The following GSG1L2 variants were observed in gnomAD, a reference collection of about 807,000 sequenced individuals.
GSG1L2 encodes the protein germ cell-specific gene 1-like protein 2.
GSG1L2 carries 15 observed loss-of-function variants against 9.0 expected under a neutral mutation model. The observed-to-expected ratio is 1.67, with a 90% CI of 1.12 to 2.57. GSG1L2 has a LOEUF of 2.57. GSG1L2 is among the 30% of genes most tolerant of loss of function. The pLI is 0.00. For missense variants in GSG1L2, 286 were observed against 150.3 expected (o/e 1.90, Z -4.72); for synonymous variants, 127 against 57.9 (o/e 2.19, Z -5.41).
At position 9,820,496 on chromosome 17, in the gene GSG1L2, C is replaced by A. The variant is rs538594074; in HGVS notation, c.310+1266G>T. On this transcript the variant is annotated intron_variant, in intron 1 of 4. Transcript: ENST00000399363. The surrounding 1 kb of genome is among the most constrained non-coding windows in gnomAD (Gnocchi z 4.9). Reference sequence around the variant, plus strand: ...GAGGAACTGTGGAGGTCCTAAATAGCCTTAGCTCCAGGCACTATTGCAGTG... The same window carrying A: ...GAGGAACTGTGGAGGTCCTAAATAGACTTAGCTCCAGGCACTATTGCAGTG... Among the ~76,000 whole-genome samples, 1 of 151,970 alleles carries A rather than the reference C, an allele frequency of 6.6e-6. No individual in the cohort carries two copies. Among genetic ancestry groups the A allele is most frequent in the East Asian group, 1.9e-4 (1 of 5,140 alleles).
rs376999971 is a variant in GSG1L2, at chr17:9,801,255, T to A, written c.*1131A>T. Among the ~76,000 whole-genome samples the A allele has an allele frequency of 1.3e-5, 2 of 152,182 alleles. No individual in the cohort carries two copies. The highest frequency in any genetic ancestry group is 4.8e-5 in the African/African-American group (2 of 41,440). ...CAGGGTCTCACTCTATTGCCCAGGC[T>A]GGAGTGCAATGGCGCGATCTCTGCT... is the stretch of plus-strand genomic sequence containing the variant. On this transcript the variant is annotated 3_prime_UTR_variant, in exon 5 of 5. Coordinates refer to ENST00000399363, the MANE Select transcript of GSG1L2 (RefSeq NM_001310219.2).
At position 9,802,503 on chromosome 17, in the gene GSG1L2, G is replaced by A. The variant is rs1348182105; in HGVS notation, c.765C>T (p.Pro255=). ...TTTTCCAAATGCTCTCCGAAGCCTC[G>A]GGTTCCAGGAAGCTGTGTTGAGAGT... ...SRHSQHSFLE[P]EASESIWKTG... The change falls in exon 5 of 5, where the codon CCC becomes CCT. Residue 255 remains proline, a synonymous_variant. Coordinates refer to ENST00000399363, the MANE Select transcript of GSG1L2 (RefSeq NM_001310219.2). 1.4e-6 allele frequency: 1 copy of A among 702,696 alleles called. No homozygotes were observed. Among genetic ancestry groups the A allele is most frequent in the Non-Finnish European group, 2.6e-6 (1 of 384,950 alleles). The allele number at this position is 702,696 out of a possible 1,614,324, so 43.5% of individuals were successfully genotyped here.
chr17:9,800,896 G>A lies in GSG1L2; in HGVS notation c.*1490C>T, dbSNP rs796330590. On this transcript the variant is annotated 3_prime_UTR_variant, in exon 5 of 5. Coordinates refer to ENST00000399363, the MANE Select transcript of GSG1L2 (RefSeq NM_001310219.2). Reference sequence around the variant, plus strand: ...AGGGAACCCCAGCAGACATTCTCTGGGTTGGGCTTATTCCAGCAAGAATCC... The same window carrying A: ...AGGGAACCCCAGCAGACATTCTCTGAGTTGGGCTTATTCCAGCAAGAATCC... 5.3e-5 allele frequency among the ~76,000 whole-genome samples: 8 copies of A among 152,334 alleles called. No homozygotes were observed. The highest frequency in any genetic ancestry group is 2.6e-4 in the Admixed American group (4 of 15,306).
Position 9,814,226 on chromosome 17 carries a change from G to A in GSG1L2, c.311-3608C>T, listed in dbSNP as rs561562764. Among the ~76,000 whole-genome samples, 9 of 152,318 alleles carry A rather than the reference G, an allele frequency of 5.9e-5. No homozygotes were observed. In the South Asian group the frequency reaches 1.7e-3, roughly 28 times the overall value. Reference sequence around the variant, plus strand: ...TGGGATTACAAGCGTGAGACACCGCGCCTGGCCTTTCCACTGTTTTGAGTG... The same window carrying A: ...TGGGATTACAAGCGTGAGACACCGCACCTGGCCTTTCCACTGTTTTGAGTG... On this transcript the variant is annotated intron_variant, in intron 1 of 4. Transcript: ENST00000399363.
At chr17:9,812,688 A>G (rs1365165714) in intron 1 of GSG1L2, among the ~76,000 whole-genome samples, 4 of 152,068 alleles carry the variant, frequency 2.6e-5, no homozygotes, top group Non-Finnish European at 4.4e-5. Flanking sequence ...GCAGTGGATC[A>G]TGGCTCACTG....
rs2066591961 is a variant in GSG1L2 at position 9,821,964 on chromosome 17, T to G, written c.108A>C (p.Arg36=). The G allele has an allele frequency of 1.4e-6, 1 of 703,040 alleles. No homozygotes were observed. Among genetic ancestry groups the G allele is most frequent in the African/African-American group, 1.7e-5 (1 of 57,382 alleles). 43.6% of individuals were successfully genotyped at this position (703,040 alleles called of 1,614,324 possible). A position where few individuals can be genotyped will look rare whatever the true frequency, so the allele number is the denominator to read the frequency against. Reference sequence around the variant, plus strand: ...CCTGGCACAGTGGCTTCACCACCCGTCGGGTCCCCTCACACCAGTGGCTGC... The same window carrying G: ...CCTGGCACAGTGGCTTCACCACCCGGCGGGTCCCCTCACACCAGTGGCTGC... ...VVSSHWCEGT[R]RVVKPLCQDQ... is the part of the protein sequence containing the mutation. The change falls in exon 1 of 5, where the codon CGA becomes CGC. Residue 36 remains arginine (R), a synonymous_variant. Transcript: ENST00000399363.
chr17:9,808,795 G>C, intron 3 of GSG1L2, 35 bp downstream of exon 3: 1 of 701,290 alleles, frequency 1.4e-6, no homozygotes, highest in East Asian at 2.7e-5. Flanking sequence ...TTTCCCTCTG[G>C]GGCAGCCTGT....
chr17:9,816,777 G>A (rs62066025), intron 1 of GSG1L2, among the ~76,000 whole-genome samples: 75,731 of 148,798 alleles, frequency 0.51, 20,360 homozygotes, highest in East Asian at 0.99. Context: ...GTGTGCGTGT[G>A]TGTCTGTGTG....
chr17:9,802,463 A>G lies in GSG1L2; in HGVS notation c.805T>C (p.Cys269Arg), dbSNP rs1328911127. The G allele has an allele frequency of 1.4e-6, 1 of 702,258 alleles. No homozygotes were observed. The highest frequency in any genetic ancestry group is 2.6e-6 in the Non-Finnish European group (1 of 384,714). The allele number at this position is 702,258 out of a possible 1,614,324, so 43.5% of individuals were successfully genotyped here. ...TTCCTGAAGGCTTGTTCAGCAGGGC[A>G]AGGAGCAGCTCCTGTTTTCCAAATG... Reference protein sequence around the residue: ...ESIWKTGAAPCPAEQAFRNVS... With the variant: ...ESIWKTGAAPRPAEQAFRNVS... The change falls in exon 5 of 5, where the codon TGC becomes CGC. Residue 269 changes from cysteine to arginine, a missense_variant. Coordinates refer to ENST00000399363, the MANE Select transcript of GSG1L2 (RefSeq NM_001310219.2).
At position 9,807,477 on chromosome 17, in the gene GSG1L2, C is replaced by T. The variant is rs1261242432; in HGVS notation, c.623+13G>A. ...ATCCTCCAGGACTTCAGCACCATGA[C>T]CAAGCAACTTACCAATATGACCAGC... On this transcript the variant is annotated intron_variant, in intron 4 of 4. Coordinates refer to ENST00000399363, the MANE Select transcript of GSG1L2 (RefSeq NM_001310219.2). 1.4e-6 allele frequency: 1 copy of T among 702,620 alleles called. No individual in the cohort carries two copies. Among genetic ancestry groups the T allele is most frequent in the Non-Finnish European group, 2.6e-6 (1 of 384,850 alleles). 43.5% of individuals were successfully genotyped at this position (702,620 alleles called of 1,614,324 possible). A position where few individuals can be genotyped will look rare whatever the true frequency, so the allele number is the denominator to read the frequency against.
chr17:9,811,941 A>G (rs893578394), intron 1 of GSG1L2, among the ~76,000 whole-genome samples: 1 of 152,000 alleles, frequency 6.6e-6, no homozygotes, highest in African/African-American at 2.4e-5. Flanking sequence ...TTTCCCATTG[A>G]CTCTTCAAAG....
rs1004512723 is a variant in GSG1L2 at position 9,809,373 on chromosome 17, G to A, written c.359-391C>T. ...GAAGCCACAGACCTTCGCAGTGAGT[G>A]TTACAGCTCTTAAAGGTGGCACAGA... On this transcript the variant is annotated intron_variant, in intron 2 of 4. Transcript: ENST00000399363. The A allele has an allele frequency of 7.0e-5, 19 of 270,602 alleles. No individual in the cohort carries two copies. The Admixed American group carries it at 7.2e-4, about 10-fold the overall frequency. 16.8% of individuals were successfully genotyped at this position (270,602 alleles called of 1,614,324 possible). A position where few individuals can be genotyped will look rare whatever the true frequency, so the allele number is the denominator to read the frequency against.
intron 1 of GSG1L2, among the ~76,000 whole-genome samples, chr17:9,814,186 G>A (rs1027057549): frequency 2.0e-5 from 3 of 152,100 alleles, no homozygotes; most frequent in Admixed American, 1.3e-4. Context: ...CGTCCGCCTC[G>A]GCCTCCCGAA....
At chr17:9,812,941 G>C (rs928022929) in intron 1 of GSG1L2, among the ~76,000 whole-genome samples, 14 of 152,294 alleles carry the variant, frequency 9.2e-5, no homozygotes, top group Admixed American at 8.5e-4. Context: ...ACGGCAGAAA[G>C]AGATCTGGCT....
At chr17:9,812,263 A>AT (rs954373361) in intron 1 of GSG1L2, among the ~76,000 whole-genome samples, 30 of 151,824 alleles carry the variant, frequency 2.0e-4, no homozygotes, top group African/African-American at 5.3e-4. Context: ...GACTTCAAGA[A>AT]TTTTTTTTTC....
intron 3 of GSG1L2, among the ~76,000 whole-genome samples, chr17:9,808,267 T>C (rs188738616): frequency 4.2e-4 from 64 of 152,288 alleles, no homozygotes; most frequent in Non-Finnish European, 7.9e-4. Flanking sequence ...TAAGTGGCTT[T>C]AAAAGTTGCT....
Position 9,821,755 on chromosome 17 carries a change from T to TGCTCACCTTCACCGTTGAG in GSG1L2, c.298_310+6dup. 2.8e-6 allele frequency: 2 copies of TGCTCACCTTCACCGTTGAG among 702,382 alleles called. No homozygotes were observed. The highest frequency in any genetic ancestry group is 3.0e-5 in the South Asian group (2 of 67,582). The allele number at this position is 702,382 out of a possible 1,614,324, so 43.5% of individuals were successfully genotyped here. ...TGTCTTCCCCAGAATCTACAGGCTT[T>TGCTCACCTTCACCGTTGAG]GCTCACCTTCACCGTTGAGGCTCTC... On this transcript the variant is annotated splice_region_variant and intron_variant, in intron 1 of 4. Coordinates refer to ENST00000399363, the MANE Select transcript of GSG1L2 (RefSeq NM_001310219.2).
chr17:9,816,451 TC>T (rs2066561201), intron 1 of GSG1L2, among the ~76,000 whole-genome samples: 1 of 127,610 alleles, frequency 7.8e-6, no homozygotes, highest in East Asian at 2.8e-4. Context: ...TGTGCGTGTG[TC>T]TGTGTGTGCG....
intron 1 of GSG1L2, among the ~76,000 whole-genome samples, chr17:9,813,380 A>C (rs924002014): frequency 5.3e-5 from 8 of 152,074 alleles, no homozygotes; most frequent in Non-Finnish European, 8.8e-5. Context: ...GCGTCACATG[A>C]CTGTCCATCT....
Sources: gnomAD v4.1 joint callset for allele counts (sites outside exome capture counted in the v4.1 genomes callset) on GRCh38, gnomAD v4.1.1 for gene constraint, Gnocchi (gnomAD v3.1) non-coding constraint, MANE v1.5 for transcripts, NCBI Gene and HGNC (gene_info 2026-07-23, HGNC 2026-07-21) for gene names.